SLC38A10: variants seen among roughly 807,000 people sequenced by gnomAD.
The protein encoded by SLC38A10 is solute carrier family 38 member 10, also known as Sodium-coupled neutral amino acid transporter 10.
In SLC38A10, 53 loss-of-function variants were observed where a neutral mutation model predicts 81.0. That is an observed-to-expected ratio of 0.65 (90% CI 0.53 to 0.82). SLC38A10 has a LOEUF of 0.82. Ranked by LOEUF, SLC38A10 falls within the 40% of genes least tolerant of loss-of-function variation. The pLI is 0.00. For synonymous variants in SLC38A10, 665 were observed against 655.3 expected, an observed-to-expected ratio of 1.01 and a Z score of -0.23; for missense variants, 1,471 against 1,545.0, an observed-to-expected ratio of 0.95 and a Z score of 0.80.
chr17:81,246,129 C>T lies in SLC38A10; in HGVS notation c.2787G>A (p.Lys929=), dbSNP rs766300490. 1.2e-6 allele frequency: 2 copies of T among 1,609,912 alleles called. No homozygotes were observed. Among genetic ancestry groups the T allele is most frequent in the Non-Finnish European group, 1.7e-6 (2 of 1,179,638 alleles). ...CAAGGCCCAGGTCTCGGCTCACTTG[C>T]TTGGGCTTCATGCGAGGGTCCCCCG... The part of the protein sequence containing the change: ...AETGDPRMKP[K]QVSRDLGLAA... Residue 929 remains lysine (K), a synonymous_variant, in exon 16 of 16, where the codon AAG becomes AAA. Transcript: ENST00000374759.
At chr17:81,280,823 C>G in intron 5 of SLC38A10, 90 bp from the exon 6 acceptor site, 5 of 1,489,168 alleles carry the variant, frequency 3.4e-6, no homozygotes, top group Non-Finnish European at 4.5e-6. Context: ...GAAGGAGTGG[C>G]AGGAGAGTGC....
intron 1 of SLC38A10, among the ~76,000 whole-genome samples, 170 bp downstream of exon 1, chr17:81,294,653 G>C (rs141798625): frequency 6.6e-6 from 1 of 152,328 alleles, no homozygotes; most frequent in Non-Finnish European, 1.5e-5. Context: ...TCTCATCCAC[G>C]GATTCTCTAC....
rs116075727 is a variant in SLC38A10, at chr17:81,276,686, G to A, written c.729+345C>T. 2.8e-4 allele frequency among the ~76,000 whole-genome samples: 43 copies of A among 152,148 alleles called. No individual in the cohort carries two copies. The highest frequency in any genetic ancestry group is 9.4e-4 in the African/African-American group (39 of 41,510). On this transcript the variant is annotated intron_variant, in intron 7 of 15. Transcript: ENST00000374759. This position sits in a 1 kb window ranked among gnomAD's most constrained non-coding sequence, Gnocchi z 4.7. Reference sequence around the variant, plus strand: ...ATTACAGGTGTGAGCAACGGCGCCCGGCCGGAACATGCCCATTTCTACAGA... The same window carrying A: ...ATTACAGGTGTGAGCAACGGCGCCCAGCCGGAACATGCCCATTTCTACAGA...
At chr17:81,280,546 G>C in intron 6 of SLC38A10, 63 bp downstream of exon 6, 1 of 1,592,770 alleles carries the variant, frequency 6.3e-7, no homozygotes, top group Non-Finnish European at 8.6e-7. Context: ...AGAGGGTCCC[G>C]TCTCCCAGCA....
intron 14 of SLC38A10, chr17:81,250,222 C>G: frequency 1.1e-6 from 1 of 926,172 alleles, no homozygotes; most frequent in Non-Finnish European, 1.4e-6. Context: ...TTGGAACCAA[C>G]AAACATGGCC....
At position 81,245,686 on chromosome 17, in the gene SLC38A10, A is replaced by G. The variant is rs2062841478; in HGVS notation, c.3230T>C (p.Leu1077Pro). ...GAGGTCGTTCACCTGGACATCAGGC[A>G]GGGGGTTAAGGCCAATGATGACCCC... ...RDGVIIGLNP[L>P]PDVQVNDLRG... Residue 1077 changes from leucine (L) to proline (P), a missense_variant, in exon 16 of 16, where the codon CTG becomes CCG. Physicochemically the swap from Leu to Pro is moderately conservative, Grantham distance 98 (BLOSUM62 -3). Coordinates refer to ENST00000374759, the MANE Select transcript of SLC38A10 (RefSeq NM_001037984.3). 9 of 1,596,102 alleles carry G rather than the reference A, an allele frequency of 5.6e-6. No homozygotes were observed. In the East Asian group the frequency reaches 2.1e-4, roughly 37 times the overall value.
At position 81,277,598 on chromosome 17, in the gene SLC38A10, G is replaced by T. The variant is rs911771184; in HGVS notation, c.627-465C>A. Among the ~76,000 whole-genome samples the T allele has an allele frequency of 6.6e-6, 1 of 152,232 alleles. No individual in the cohort carries two copies. The highest frequency in any genetic ancestry group is 6.5e-5 in the Admixed American group (1 of 15,284). ...TCAGAGTCGGCACAGACAAGGAGGC[G>T]GCCTGGGGCGCGATTCCCCACTGCA... is the stretch of plus-strand genomic sequence containing the variant. On this transcript the variant is annotated intron_variant, in intron 6 of 15. Transcript: ENST00000374759. This position sits in a 1 kb window ranked among gnomAD's most constrained non-coding sequence, Gnocchi z 4.5.
chr17:81,287,917 G>A (rs959513085), intron 2 of SLC38A10, among the ~76,000 whole-genome samples: 7 of 152,194 alleles, frequency 4.6e-5, no homozygotes, highest in African/African-American at 9.6e-5. Flanking sequence ...GAAAAGGGTC[G>A]CCCTGCAGGC....
At chr17:81,268,160 T>C (rs2063085060) in intron 10 of SLC38A10, among the ~76,000 whole-genome samples, 1 of 151,850 alleles carries the variant, frequency 6.6e-6, no homozygotes, top group African/African-American at 2.4e-5. Context: ...ACTGCCCAGC[T>C]GAGACCCCAG....
Position 81,253,748 on chromosome 17 carries a change from CCATCAT to C in SLC38A10, c.1289-514_1289-509del, listed in dbSNP as rs1157762654. Among the ~76,000 whole-genome samples the C allele has an allele frequency of 5.5e-5, 5 of 90,462 alleles. No individual in the cohort carries two copies. The highest frequency in any genetic ancestry group is 9.7e-5 in the Non-Finnish European group (4 of 41,276). The allele number at this position is 90,462 out of a possible 152,430, so 59.3% of individuals were successfully genotyped here. On this transcript the variant is annotated intron_variant, in intron 11 of 15. Coordinates refer to ENST00000374759, the MANE Select transcript of SLC38A10 (RefSeq NM_001037984.3). This position sits in a 1 kb window ranked among gnomAD's most constrained non-coding sequence, Gnocchi z 4.1. Reference sequence around the variant, plus strand: ...ACCATCTCCATCCCTACCACCATCACCATCATCATCACCGTCACCATCATCACCATC... The same window carrying C: ...ACCATCTCCATCCCTACCACCATCACCATCACCGTCACCATCATCACCATC...
chr17:81,278,472 C>T (rs2063181062), intron 6 of SLC38A10, among the ~76,000 whole-genome samples: 1 of 152,172 alleles, frequency 6.6e-6, no homozygotes, highest in Non-Finnish European at 1.5e-5. Flanking sequence ...AGCACACCAT[C>T]CCATCAGGCC....
At chr17:81,285,055 T>C in intron 2 of SLC38A10, 160 bp from the exon 3 acceptor site, 2 of 526,958 alleles carry the variant, frequency 3.8e-6, no homozygotes, top group Non-Finnish European at 6.7e-6. Flanking sequence ...CCAGGTTATT[T>C]TTGGATCTAC....
Position 81,287,097 on chromosome 17 carries a change from C to T in SLC38A10, c.218-2202G>A, listed in dbSNP as rs142639878. ...AAGGTGACGAAAACGACAAAAACCACCTGCAACCAGCAACAGCAAATAGGA... is the reference window on the plus strand; with the variant it reads ...AAGGTGACGAAAACGACAAAAACCATCTGCAACCAGCAACAGCAAATAGGA... On this transcript the variant is annotated intron_variant, in intron 2 of 15. Coordinates refer to ENST00000374759, the MANE Select transcript of SLC38A10 (RefSeq NM_001037984.3). 5.9e-5 allele frequency among the ~76,000 whole-genome samples: 9 copies of T among 152,322 alleles called. No homozygotes were observed. The East Asian group carries it at 1.7e-3, about 29-fold the overall frequency.
chr17:81,256,471 G>T (rs887594196), intron 11 of SLC38A10, among the ~76,000 whole-genome samples: 1 of 152,234 alleles, frequency 6.6e-6, no homozygotes, highest in African/African-American at 2.4e-5. Context: ...ACCCGCCATG[G>T]CTCCCTCTGT....
At chr17:81,267,523 C>T (rs2063080330) in intron 10 of SLC38A10, among the ~76,000 whole-genome samples, 1 of 151,892 alleles carries the variant, frequency 6.6e-6, no homozygotes, top group Non-Finnish European at 1.5e-5. Context: ...CCTGCTAACT[C>T]ACAGAACAGA....
chr17:81,283,324 G>T lies in SLC38A10; in HGVS notation c.357+85C>A. 3 of 1,238,518 alleles carry T rather than the reference G, an allele frequency of 2.4e-6. No homozygotes were observed. The highest frequency in any genetic ancestry group is 2.0e-5 in the Admixed American group (1 of 50,410). The allele number at this position is 1,238,518 out of a possible 1,614,324, so 76.7% of individuals were successfully genotyped here. ...GAAGCTTCTCCCGACCAGCACCCAGGTCTCGGTCCTCGGGAGGATCCCACA... is the reference window on the plus strand; with the variant it reads ...GAAGCTTCTCCCGACCAGCACCCAGTTCTCGGTCCTCGGGAGGATCCCACA... On this transcript the variant is annotated intron_variant, in intron 4 of 15. Coordinates refer to ENST00000374759, the MANE Select transcript of SLC38A10 (RefSeq NM_001037984.3). The surrounding 1 kb of genome is among the most constrained non-coding windows in gnomAD (Gnocchi z 4.7).
chr17:81,250,936 G>GAACAGGT (rs2062904320), intron 14 of SLC38A10: 1 of 1,244,078 alleles, frequency 8.0e-7, no homozygotes, highest in African/African-American at 1.5e-5. Context: ...TTTCCTGGAG[G>GAACAGGT]GACAGGTGAC....
At chr17:81,250,747 A>T in intron 14 of SLC38A10, 2 of 845,832 alleles carry the variant, frequency 2.4e-6, no homozygotes, top group African/African-American at 1.8e-5. Context: ...CTAGCCTGGG[A>T]GAGGACATGG....
At chr17:81,249,024 G>T (rs2062879405) in intron 14 of SLC38A10, among the ~76,000 whole-genome samples, 1 of 152,140 alleles carries the variant, frequency 6.6e-6, no homozygotes, top group Admixed American at 6.5e-5. Flanking sequence ...GGTGCTGCGG[G>T]GCTCAACCAC....
Sources: gnomAD v4.1 joint callset for allele counts (sites outside exome capture counted in the v4.1 genomes callset) on GRCh38, gnomAD v4.1.1 for gene constraint, Gnocchi (gnomAD v3.1) non-coding constraint, MANE v1.5 for transcripts, NCBI Gene and HGNC (gene_info 2026-07-23, HGNC 2026-07-21) for gene names.